Variants in EEFSEC observed in about 807,000 individuals in gnomAD.
The protein encoded by EEFSEC is eukaryotic elongation factor, selenocysteine-tRNA specific, also known as selenocysteine-specific elongation factor.
EEFSEC carries 43 observed loss-of-function variants against 42.1 expected under a neutral mutation model. That is an observed-to-expected ratio of 1.02 (90% CI 0.80 to 1.32). The LOEUF is 1.32. Ranked by LOEUF, EEFSEC falls within the 40% of genes most tolerant of loss-of-function variation. The probability of loss-of-function intolerance (pLI) is 0.00; values close to 1 mark genes in which losing one functional copy is unlikely to be tolerated. For synonymous variants in EEFSEC, 354 were observed against 339.1 expected (o/e 1.04, Z -0.48); for missense variants, 745 against 803.6 (o/e 0.93, Z 0.88).
chr3:128,395,726 C>G (rs537238598), intron 6 of EEFSEC, among the ~76,000 whole-genome samples: 1 of 152,186 alleles, frequency 6.6e-6, no homozygotes. Flanking sequence ...CAGCCAGGAA[C>G]GGGGCCCAGC....
rs2065483459 is a variant in EEFSEC, at chr3:128,188,149, G to C, written c.316+34326G>C. ...TTTTGGAGGGCAGTGCCAGTGGTTA[G>C]GGTGATGAGGGAGGGATGGAAAGGA... On this transcript the variant is annotated intron_variant, in intron 1 of 6. Transcript: ENST00000254730. 1.3e-5 allele frequency among the ~76,000 whole-genome samples: 2 copies of C among 152,170 alleles called. 1 individual carries two copies. The highest frequency in any genetic ancestry group is 4.1e-4 in the South Asian group (2 of 4,820).
At position 128,206,883 on chromosome 3, in the gene EEFSEC, G is replaced by C. The variant is rs115889384; in HGVS notation, c.317-39953G>C. ...CGGAGACAGAATAAGCCCAGGTGTAGAAGGGAGCAGCTGGAGTTGTAGGAA... is the reference window on the plus strand; with the variant it reads ...CGGAGACAGAATAAGCCCAGGTGTACAAGGGAGCAGCTGGAGTTGTAGGAA... On this transcript the variant is annotated intron_variant, in intron 1 of 6. Coordinates refer to ENST00000254730, the MANE Select transcript of EEFSEC (RefSeq NM_021937.5). Among the ~76,000 whole-genome samples the C allele has an allele frequency of 6.2e-3, 941 of 152,220 alleles. 6 individuals are homozygous for C. Among genetic ancestry groups the C allele is most frequent in the African/African-American group, 0.021 (881 of 41,508 alleles).
At chr3:128,399,185 A>C (rs949401667) in intron 6 of EEFSEC, among the ~76,000 whole-genome samples, 1 of 152,200 alleles carries the variant, frequency 6.6e-6, no homozygotes, top group African/African-American at 2.4e-5. Flanking sequence ...CTTTGACTGC[A>C]TGATAATTTC....
intron 1 of EEFSEC, among the ~76,000 whole-genome samples, chr3:128,246,302 C>G (rs1694577586): frequency 6.6e-6 from 1 of 152,090 alleles, no homozygotes; most frequent in Admixed American, 6.5e-5. Flanking sequence ...CTTAGATGCT[C>G]CTAACACCCC....
chr3:128,163,657 C>T (rs930651183), intron 1 of EEFSEC, among the ~76,000 whole-genome samples: 3 of 152,050 alleles, frequency 2.0e-5, no homozygotes, highest in Admixed American at 6.5e-5. Context: ...AGACCATTTT[C>T]GTCACCCCAT....
At chr3:128,252,744 AC>A (rs1363163092) in intron 2 of EEFSEC, among the ~76,000 whole-genome samples, 6 of 152,142 alleles carry the variant, frequency 3.9e-5, no homozygotes, top group Admixed American at 3.9e-4. Flanking sequence ...TTTATCTGAA[AC>A]TTTTTTTGTG....
chr3:128,412,944 T>G (rs935118386), downstream of EEFSEC, among the ~76,000 whole-genome samples: 1 of 152,090 alleles, frequency 6.6e-6, no homozygotes, highest in Non-Finnish European at 1.5e-5. Flanking sequence ...GGCTGTCTGC[T>G]GGGTGTGGGA....
intron 6 of EEFSEC, among the ~76,000 whole-genome samples, chr3:128,395,033 G>A (rs1476330223): frequency 3.9e-5 from 6 of 152,204 alleles, no homozygotes; most frequent in South Asian, 2.1e-4. Flanking sequence ...TGGTCTCCAC[G>A]GCCATGAGCG....
At chr3:128,246,230 GCA>G (rs10546350) in intron 1 of EEFSEC, among the ~76,000 whole-genome samples, 124,631 of 149,626 alleles carry the variant, frequency 0.83, 52,087 homozygotes, top group East Asian at 0.96. Context: ...AAGCGTGCAC[GCA>G]CACACACACA....
At chr3:128,298,129 T>C (rs1458269046) in intron 4 of EEFSEC, among the ~76,000 whole-genome samples, 1 of 152,244 alleles carries the variant, frequency 6.6e-6, no homozygotes, top group East Asian at 1.9e-4. Flanking sequence ...TCATCTTCTC[T>C]TACTCCCTTG....
intron 1 of EEFSEC, among the ~76,000 whole-genome samples, chr3:128,155,050 T>C (rs796791585): frequency 2.6e-5 from 4 of 152,292 alleles, no homozygotes; most frequent in African/African-American, 9.6e-5. Context: ...CCTTACCCAC[T>C]CCTCTGTCCT....
At chr3:128,162,462 C>T (rs2065200253) in intron 1 of EEFSEC, among the ~76,000 whole-genome samples, 1 of 152,224 alleles carries the variant, frequency 6.6e-6, no homozygotes, top group African/African-American at 2.4e-5. Flanking sequence ...CCTGATCTCC[C>T]CATACACTGG....
chr3:128,180,666 A>G (rs1017210169), intron 1 of EEFSEC, among the ~76,000 whole-genome samples: 3 of 152,216 alleles, frequency 2.0e-5, no homozygotes, highest in African/African-American at 7.2e-5. Context: ...GACTCAGTGC[A>G]AGAGACTCCA....
At chr3:128,327,295 C>CG (rs1322232450) in intron 4 of EEFSEC, among the ~76,000 whole-genome samples, 2 of 103,212 alleles carry the variant, frequency 1.9e-5, no homozygotes, top group Admixed American at 1.7e-4. Flanking sequence ...TTCCCATCCC[C>CG]CCCCCCCCAA....
intron 6 of EEFSEC, among the ~76,000 whole-genome samples, chr3:128,361,660 C>T (rs990486234): frequency 3.3e-5 from 5 of 152,312 alleles, no homozygotes; most frequent in Middle Eastern, 3.4e-3. Flanking sequence ...GGCTGGGGGA[C>T]GGCCCCATCC....
chr3:128,228,859 TG>T (rs2065933212), intron 1 of EEFSEC, among the ~76,000 whole-genome samples: 1 of 152,164 alleles, frequency 6.6e-6, no homozygotes, highest in South Asian at 2.1e-4. Flanking sequence ...CTAGTTATAG[TG>T]AACACTACAT....
intron 4 of EEFSEC, among the ~76,000 whole-genome samples, chr3:128,320,602 T>A (rs528804908): frequency 6.6e-6 from 1 of 152,200 alleles, no homozygotes; most frequent in Admixed American, 6.5e-5. Flanking sequence ...CACTGTGTTA[T>A]GAGGAGAAAA....
At chr3:128,159,733 G>C (rs1217294171) in intron 1 of EEFSEC, among the ~76,000 whole-genome samples, 1 of 152,126 alleles carries the variant, frequency 6.6e-6, no homozygotes, top group South Asian at 2.1e-4. Flanking sequence ...ACCTGTTGTT[G>C]CCTCTGTTTG....
At chr3:128,391,693 T>G (rs1364319195) in intron 6 of EEFSEC, among the ~76,000 whole-genome samples, 1 of 152,208 alleles carries the variant, frequency 6.6e-6, no homozygotes, top group Non-Finnish European at 1.5e-5. Flanking sequence ...CTCATTCCTT[T>G]GCACATTTCT....
Sources: allele counts gnomAD v4.1 joint callset (sites outside exome capture counted in the v4.1 genomes callset), GRCh38; gene constraint gnomAD v4.1.1; transcripts MANE v1.5; gene names NCBI Gene and HGNC (gene_info 2026-07-23, HGNC 2026-07-21).